Variants in NUMB observed in about 807,000 individuals in gnomAD.
NUMB encodes the protein protein numb homolog.
NUMB carries 29 observed loss-of-function variants against 59.7 expected under a neutral mutation model. The ratio of observed to expected loss-of-function variants is 0.49; its 90% CI spans 0.36 to 0.66. The LOEUF (loss-of-function observed/expected upper bound fraction) is 0.66. Ranked by LOEUF, NUMB falls within the 30% of genes least tolerant of loss-of-function variation. The pLI is 0.00. For missense variants in NUMB, 723 were observed against 822.0 expected, an observed-to-expected ratio of 0.88 and a Z score of 1.47; for synonymous variants, 288 against 288.2, an observed-to-expected ratio of 1.00 and a Z score of 0.01.
chr14:73,340,895 G>A (rs1827214165), intron 4 of NUMB, among the ~76,000 whole-genome samples: 1 of 152,172 alleles, frequency 6.6e-6, no homozygotes, highest in Admixed American at 6.5e-5. Flanking sequence ...GGATTATGGG[G>A]GCAGTTTCCC....
At chr14:73,327,761 T>C (rs1891739879) in intron 4 of NUMB, among the ~76,000 whole-genome samples, 1 of 152,126 alleles carries the variant, frequency 6.6e-6, no homozygotes, top group African/African-American at 2.4e-5. Context: ...TTAAAAAACA[T>C]ACAGTAAAAT....
intron 6 of NUMB, 25 bp from the exon 7 acceptor site, chr14:73,297,310 AGG>A (rs1459210316): frequency 7.4e-7 from 1 of 1,354,786 alleles, no homozygotes; most frequent in Non-Finnish European, 1.1e-6. Context: ...CAAAAAGGGG[AGG>A]GGGAGATACA....
intron 1 of NUMB, among the ~76,000 whole-genome samples, chr14:73,414,082 G>C (rs1897018214): frequency 6.6e-6 from 1 of 151,616 alleles, no homozygotes; most frequent in Non-Finnish European, 1.5e-5. Context: ...AGCCTCCTGA[G>C]TAGCTGAGAC....
chr14:73,355,562 T>C, intron 4 of NUMB, 64 bp downstream of exon 4: 1 of 1,463,002 alleles, frequency 6.8e-7, no homozygotes, highest in Non-Finnish European at 9.2e-7. Flanking sequence ...ATTAATGAGA[T>C]TTCACATACA....
At chr14:73,283,750 TAAG>T in intron 10 of NUMB, among the ~76,000 whole-genome samples, 1 of 152,342 alleles carries the variant, frequency 6.6e-6, no homozygotes, top group Non-Finnish European at 1.5e-5. Context: ...AATGGCAGAA[TAAG>T]AATAGAAACT....
At chr14:73,367,866 A>G (rs1894449189) in intron 2 of NUMB, among the ~76,000 whole-genome samples, 1 of 152,076 alleles carries the variant, frequency 6.6e-6, no homozygotes, top group South Asian at 2.1e-4. Flanking sequence ...ATATTGTCAA[A>G]GCTGTAGGGA....
chr14:73,388,053 G>C (rs527395642), intron 2 of NUMB, among the ~76,000 whole-genome samples: 75 of 151,882 alleles, frequency 4.9e-4, no homozygotes, highest in African/African-American at 1.7e-3. Context: ...GCTGCAGTGA[G>C]CTATGATCAT....
intron 4 of NUMB, among the ~76,000 whole-genome samples, chr14:73,354,578 G>C (rs1440162930): frequency 6.7e-6 from 1 of 149,834 alleles, no homozygotes; most frequent in Non-Finnish European, 1.5e-5. Context: ...TGTAATCCCA[G>C]CACTTTGGGG....
chr14:73,297,335 T>A, intron 6 of NUMB, 50 bp from the exon 7 acceptor site: 1 of 1,076,042 alleles, frequency 9.3e-7, no homozygotes. Context: ...TATATAATAT[T>A]AAAAAAATGT....
intron 1 of NUMB, among the ~76,000 whole-genome samples, chr14:73,419,442 G>C (rs1037976275): frequency 2.0e-5 from 3 of 152,160 alleles, no homozygotes; most frequent in African/African-American, 7.2e-5. Context: ...CCGGGAGGCG[G>C]AGCTTGCAGT....
intron 3 of NUMB, among the ~76,000 whole-genome samples, chr14:73,362,794 C>T (rs186600901): frequency 6.6e-6 from 1 of 152,150 alleles, no homozygotes; most frequent in Non-Finnish European, 1.5e-5. Context: ...GTCTCAATGA[C>T]ATAGCATATT....
intron 1 of NUMB, among the ~76,000 whole-genome samples, chr14:73,429,583 T>C (rs1292112666): frequency 1.3e-5 from 2 of 152,188 alleles, no homozygotes; most frequent in African/African-American, 2.4e-5. Context: ...GAAGTGCATG[T>C]GCATTATTCC....
At chr14:73,387,325 T>C (rs1236578023) in intron 2 of NUMB, among the ~76,000 whole-genome samples, 1 of 151,978 alleles carries the variant, frequency 6.6e-6, no homozygotes, top group Non-Finnish European at 1.5e-5. Context: ...TGATAGCAAG[T>C]GATATGTTTA....
Position 73,292,726 on chromosome 14 carries a change from G to T in NUMB, c.450+8C>A. On this transcript the variant is annotated splice_region_variant and intron_variant, in intron 8 of 12. Transcript: ENST00000555238. The stretch of plus-strand genomic sequence containing the variant: ...ACTCATCATGAAATACATATTTGCT[G>T]GACTCACTGTGTCCTTGACAGCCAT... The T allele has an allele frequency of 6.2e-7, 1 of 1,613,844 alleles. No homozygotes were observed. The highest frequency in any genetic ancestry group is 8.5e-7 in the Non-Finnish European group (1 of 1,179,834).
chr14:73,325,144 C>T (rs569113266), intron 4 of NUMB, among the ~76,000 whole-genome samples: 1 of 152,226 alleles, frequency 6.6e-6, no homozygotes, highest in Non-Finnish European at 1.5e-5. Context: ...TTTATCAGCC[C>T]ACTCCCTGTC....
chr14:73,286,651 C>G lies in NUMB; in HGVS notation c.655+459G>C, dbSNP rs552278664. The G allele has an allele frequency of 2.0e-3, 329 of 166,262 alleles. 4 individuals are homozygous for G. The highest frequency in any genetic ancestry group is 3.3e-3 in the Non-Finnish European group (248 of 75,088). The allele number at this position is 166,262 out of a possible 1,614,324, so 10.3% of individuals were successfully genotyped here. On this transcript the variant is annotated intron_variant, in intron 9 of 12. Coordinates refer to ENST00000555238, the MANE Select transcript of NUMB (RefSeq NM_001005743.2). ...TCTATAGACTTTTGTGACTAGAAAG[C>G]ACTAAAAAACAGCAATAATATCATA...
At chr14:73,392,345 T>G (rs1895894541) in intron 2 of NUMB, among the ~76,000 whole-genome samples, 1 of 152,234 alleles carries the variant, frequency 6.6e-6, no homozygotes, top group Non-Finnish European at 1.5e-5. Context: ...CCTGCAATTA[T>G]GAGTCCTAAC....
chr14:73,449,307 C>T (rs1883764478), intron 1 of NUMB, among the ~76,000 whole-genome samples: 1 of 151,950 alleles, frequency 6.6e-6, no homozygotes, highest in Non-Finnish European at 1.5e-5. Context: ...TATTGGGGTC[C>T]TGGAATCAAT....
chr14:73,415,267 A>G (rs977664112), intron 1 of NUMB, among the ~76,000 whole-genome samples: 12 of 152,140 alleles, frequency 7.9e-5, no homozygotes, highest in Admixed American at 7.9e-4. Context: ...ACACAGAGGA[A>G]TAACAATAGG....
Sources: allele counts gnomAD v4.1 joint callset (sites outside exome capture counted in the v4.1 genomes callset), GRCh38; gene constraint gnomAD v4.1.1; transcripts MANE v1.5; gene names NCBI Gene and HGNC (gene_info 2026-07-23, HGNC 2026-07-21).